The following PXDNL variants were observed in gnomAD, a reference collection of about 807,000 sequenced individuals.
The protein encoded by PXDNL is peroxidasin like, also known as probable oxidoreductase PXDNL.
A neutral mutation model predicts 150.8 loss-of-function variants in PXDNL; 145 were observed. That is an observed-to-expected ratio of 0.96 (90% confidence interval 0.84 to 1.10). PXDNL has a LOEUF of 1.10. Ranked by LOEUF, PXDNL falls within the 50% of genes least tolerant of loss-of-function variation. The probability of loss-of-function intolerance (pLI) is 0.00; values close to 1 mark genes in which losing one functional copy is unlikely to be tolerated. For synonymous variants in PXDNL, 757 were observed against 725.7 expected (o/e 1.04, Z -0.69); for missense variants, 2,087 against 1,873.9 (o/e 1.11, Z -2.10).
At chr8:51,541,756 C>T (rs10096448) in intron 4 of PXDNL, among the ~76,000 whole-genome samples, 11,249 of 152,140 alleles carry the variant, frequency 0.074, 679 homozygotes, top group East Asian at 0.24. Flanking sequence ...TGTACTTCAG[C>T]ATGGAAACCA....
chr8:51,483,410 G>A (rs528247817), intron 6 of PXDNL, among the ~76,000 whole-genome samples: 143 of 152,280 alleles, frequency 9.4e-4, no homozygotes, highest in Non-Finnish European at 1.3e-3. Flanking sequence ...CGAGGAAAAC[G>A]TCTATTTTCA....
intron 1 of PXDNL, among the ~76,000 whole-genome samples, chr8:51,689,830 G>A (rs779093612): frequency 6.6e-5 from 10 of 152,330 alleles, no homozygotes; most frequent in East Asian, 1.9e-4. Flanking sequence ...AGTGTGGGCC[G>A]TCACTCAACT....
intron 1 of PXDNL, among the ~76,000 whole-genome samples, chr8:51,658,990 G>GA (rs11414928): frequency 0.66 from 100,617 of 151,936 alleles, 33,839 homozygotes; most frequent in Non-Finnish European, 0.72. Flanking sequence ...TTGTACACTT[G>GA]AAAAAATGTT....
intron 4 of PXDNL, among the ~76,000 whole-genome samples, chr8:51,514,119 G>C (rs932614691): frequency 6.6e-6 from 1 of 152,238 alleles, no homozygotes; most frequent in African/African-American, 2.4e-5. Flanking sequence ...GAAGTTGGTT[G>C]ATGCTTGAAA....
intron 2 of PXDNL, among the ~76,000 whole-genome samples, chr8:51,593,768 T>C (rs572863825): frequency 2.6e-5 from 4 of 152,312 alleles, no homozygotes; most frequent in Non-Finnish European, 5.9e-5. Flanking sequence ...GAGCCATTTC[T>C]CACCATTTGT....
At chr8:51,646,187 G>A (rs543422672) in intron 2 of PXDNL, among the ~76,000 whole-genome samples, 1 of 152,222 alleles carries the variant, frequency 6.6e-6, no homozygotes, top group African/African-American at 2.4e-5. Flanking sequence ...CAGTGACACT[G>A]GTGTCCTTAT....
intron 3 of PXDNL, among the ~76,000 whole-genome samples, chr8:51,590,817 A>T (rs934594568): frequency 2.0e-5 from 3 of 152,112 alleles, no homozygotes; most frequent in Non-Finnish European, 2.9e-5. Flanking sequence ...TTCAGATGAG[A>T]TTCTGGGCTT....
At chr8:51,754,076 C>T (rs988163902) in intron 1 of PXDNL, among the ~76,000 whole-genome samples, 1 of 152,178 alleles carries the variant, frequency 6.6e-6, no homozygotes, top group African/African-American at 2.4e-5. Flanking sequence ...CAAAACTATT[C>T]TCAGTCTCAG....
At chr8:51,703,208 GAAT>G (rs970297801) in intron 1 of PXDNL, among the ~76,000 whole-genome samples, 1 of 151,490 alleles carries the variant, frequency 6.6e-6, no homozygotes, top group Non-Finnish European at 1.5e-5. Flanking sequence ...AATTTAAATT[GAAT>G]ACATTAATCA....
At chr8:51,481,834 C>T (rs577279286) in intron 6 of PXDNL, among the ~76,000 whole-genome samples, 1 of 152,318 alleles carries the variant, frequency 6.6e-6, no homozygotes, top group African/African-American at 2.4e-5. Context: ...GTTTGGGAAC[C>T]TCCACCTAGA....
rs1279890431 is a variant in PXDNL at position 51,533,574 on chromosome 8, G to A, written c.380+23266C>T. On this transcript the variant is annotated intron_variant, in intron 4 of 22. Coordinates refer to ENST00000356297, the MANE Select transcript of PXDNL (RefSeq NM_144651.5). ...AGCTGGACGGTACTGCTGCCATCTC[G>A]GCTCACTGCAACCTCCCTGCCTGAT... Among the ~76,000 whole-genome samples the A allele has an allele frequency of 3.6e-5, 5 of 139,956 alleles. No individual in the cohort carries two copies. The Admixed American group carries it at 3.6e-4, about 10-fold the overall frequency. The allele number at this position is 139,956 out of a possible 152,430, so 91.8% of individuals were successfully genotyped here.
intron 12 of PXDNL, 109 bp downstream of exon 12, chr8:51,446,895 T>C: frequency 7.7e-6 from 3 of 391,984 alleles, no homozygotes; most frequent in Non-Finnish European, 1.2e-5. Context: ...ATCATATGAC[T>C]ATATATATAT....
At chr8:51,439,236 C>T (rs1809482866) in intron 12 of PXDNL, among the ~76,000 whole-genome samples, 2 of 151,982 alleles carry the variant, frequency 1.3e-5, no homozygotes, top group South Asian at 4.2e-4. Context: ...AAGAAAAAAA[C>T]AAACAATCCA....
At chr8:51,395,556 A>G (rs1022702976) in intron 17 of PXDNL, among the ~76,000 whole-genome samples, 13 of 152,236 alleles carry the variant, frequency 8.5e-5, no homozygotes, top group African/African-American at 3.1e-4. Flanking sequence ...AGACAAAAGA[A>G]ACAACCAATA....
chr8:51,361,658 G>A (rs1806741875), intron 19 of PXDNL, among the ~76,000 whole-genome samples: 1 of 152,112 alleles, frequency 6.6e-6, no homozygotes, highest in Admixed American at 6.5e-5. Flanking sequence ...TTTAAGCAGT[G>A]CATCTGAAAA....
intron 17 of PXDNL, among the ~76,000 whole-genome samples, chr8:51,395,775 T>C (rs928866865): frequency 4.6e-5 from 7 of 152,240 alleles, no homozygotes; most frequent in African/African-American, 1.7e-4. Context: ...TGCTTGCTTT[T>C]GTTTTGGCAG....
At chr8:51,469,339 A>G (rs896666995) in intron 8 of PXDNL, among the ~76,000 whole-genome samples, 1 of 152,096 alleles carries the variant, frequency 6.6e-6, no homozygotes, top group African/African-American at 2.4e-5. Flanking sequence ...TGGAAGCAAT[A>G]TAATTCTCAT....
At chr8:51,808,286 T>C (rs1310095573) in intron 1 of PXDNL, among the ~76,000 whole-genome samples, 9 of 152,194 alleles carry the variant, frequency 5.9e-5, no homozygotes, top group Non-Finnish European at 1.3e-4. Context: ...AAAATATTTA[T>C]TATAGAGCAG....
intron 4 of PXDNL, among the ~76,000 whole-genome samples, chr8:51,555,131 G>A (rs1249542837): frequency 2.0e-5 from 3 of 152,130 alleles, no homozygotes; most frequent in African/African-American, 7.2e-5. Context: ...AATTCTAGAG[G>A]ATGGGAATTC....
Sources: allele counts gnomAD v4.1 joint callset (sites outside exome capture counted in the v4.1 genomes callset), GRCh38; gene constraint gnomAD v4.1.1; transcripts MANE v1.5; gene names NCBI Gene and HGNC (gene_info 2026-07-23, HGNC 2026-07-21).